RIPOR2: variants seen among roughly 807,000 people sequenced by gnomAD.
RIPOR2 encodes the protein rho family-interacting cell polarization regulator 2.
Under a neutral mutation model 114.5 loss-of-function variants are expected in RIPOR2, and 39 were observed. The ratio of observed to expected loss-of-function variants is 0.34; its 90% CI spans 0.26 to 0.44. The LOEUF is 0.44. Among genes scored for constraint, RIPOR2 ranks in the 20% least tolerant of loss-of-function variants. The probability of loss-of-function intolerance (pLI) is 1.00; values close to 1 mark genes in which losing one functional copy is unlikely to be tolerated. For synonymous variants in RIPOR2, 445 were observed against 484.4 expected (o/e 0.92, Z 1.07); for missense variants, 1,007 against 1,255.1 (o/e 0.80, Z 2.99).
chr6:24,979,319 C>A (rs1774201583), intron 1 of RIPOR2, among the ~76,000 whole-genome samples: 1 of 137,882 alleles, frequency 7.3e-6, no homozygotes, highest in Non-Finnish European at 1.5e-5. Flanking sequence ...GTTTCCTTAG[C>A]CCTGACATGA....
chr6:24,969,019 C>T (rs534945770), intron 1 of RIPOR2, among the ~76,000 whole-genome samples: 1 of 152,286 alleles, frequency 6.6e-6, no homozygotes, highest in Non-Finnish European at 1.5e-5. Context: ...TTTCAACCAC[C>T]TTCCCATCAT....
Position 24,828,281 on chromosome 6 carries a change from C to T in RIPOR2, c.2521G>A (p.Val841Met), listed in dbSNP as rs1384487133. The T allele has an allele frequency of 6.5e-7, 1 of 1,546,920 alleles. No individual in the cohort carries two copies. Among genetic ancestry groups the T allele is most frequent in the Admixed American group, 2.0e-5 (1 of 50,364 alleles). The stretch of plus-strand genomic sequence containing the variant: ...TCAGCCCGGTCCAGAATTTGGGACA[C>T]CAGGGTTCGAAACACTATTCGGAAG... ...GLADPVFRTLVSQILDRAEPL... is the reference protein window; with the variant it reads ...GLADPVFRTLMSQILDRAEPL... Residue 841 changes from valine (V) to methionine (M), a missense_variant, in exon 18 of 22, where the codon GTG (valine) becomes ATG (methionine). Transcript: ENST00000643898.
chr6:24,875,765 C>A lies in RIPOR2; in HGVS notation c.114G>T (p.Ser38=), dbSNP rs2295197. ...TAATGATCCCATTGGGCCCTCCAGG[C>A]GAAAAAGACTGGGATCCTACCAACA... ...EIMLVGSQSF[S]PGGPNGIIRS... is the part of the protein sequence containing the mutation. The change falls in exon 2 of 22, where the codon TCG becomes TCT. Residue 38 remains serine, a synonymous_variant. Transcript: ENST00000643898. 4 of 1,613,426 alleles carry A rather than the reference C, an allele frequency of 2.5e-6. No homozygotes were observed. Among genetic ancestry groups the A allele is most frequent in the African/African-American group, 2.7e-5 (2 of 74,994 alleles).
chr6:24,898,892 A>T (rs1241843491), intron 1 of RIPOR2, among the ~76,000 whole-genome samples: 1 of 150,644 alleles, frequency 6.6e-6, no homozygotes, highest in Non-Finnish European at 1.5e-5. Context: ...TGATACTGGT[A>T]TTCTCCTTTC....
At chr6:25,023,505 CAG>C in intron 1 of RIPOR2, 1 of 771,152 alleles carries the variant, frequency 1.3e-6, no homozygotes, top group Non-Finnish European at 2.4e-6. Context: ...AATTCACACT[CAG>C]GGCTATGCCA....
At chr6:24,811,631 T>C (rs1781170332) in intron 20 of RIPOR2, among the ~76,000 whole-genome samples, 1 of 151,974 alleles carries the variant, frequency 6.6e-6, no homozygotes, top group Non-Finnish European at 1.5e-5. Context: ...GAAACATCCA[T>C]GTCAGGAGTT....
chr6:24,983,720 A>C (rs1774403284), intron 1 of RIPOR2, among the ~76,000 whole-genome samples: 1 of 136,134 alleles, frequency 7.3e-6, no homozygotes, highest in African/African-American at 2.8e-5. Flanking sequence ...CCGTGCCACT[A>C]CACTCCAGCC....
intron 1 of RIPOR2, among the ~76,000 whole-genome samples, chr6:24,907,976 C>A (rs1337545973): frequency 6.6e-6 from 1 of 151,268 alleles, no homozygotes; most frequent in Non-Finnish European, 1.5e-5. Context: ...CTCCCCACCC[C>A]CACCCCACCC....
chr6:24,828,599 G>T (rs1300689794), intron 17 of RIPOR2, among the ~76,000 whole-genome samples: 1 of 152,116 alleles, frequency 6.6e-6, no homozygotes, highest in Non-Finnish European at 1.5e-5. Context: ...CTGTGTAACT[G>T]CCATTTAGAT....
At chr6:24,941,508 A>G (rs1009157875) in intron 1 of RIPOR2, among the ~76,000 whole-genome samples, 3 of 152,224 alleles carry the variant, frequency 2.0e-5, no homozygotes, top group Admixed American at 6.5e-5. Flanking sequence ...TGGAATAATA[A>G]TAATCAATTA....
chr6:25,023,842 G>A, intron 1 of RIPOR2: 1 of 738,024 alleles, frequency 1.4e-6, no homozygotes. Flanking sequence ...AGGGGTGTTG[G>A]GGGCTTTGAC....
At chr6:25,006,145 A>C (rs151184153) in intron 1 of RIPOR2, among the ~76,000 whole-genome samples, 16 of 152,288 alleles carry the variant, frequency 1.1e-4, no homozygotes, top group African/African-American at 2.6e-4. Context: ...AGAAATAAAT[A>C]CTGTTAACAT....
At chr6:24,839,335 G>A (rs934936827) in intron 13 of RIPOR2, 63 bp from the exon 14 acceptor site, 13 of 1,481,936 alleles carry the variant, frequency 8.8e-6, no homozygotes, top group Admixed American at 2.6e-5. Context: ...CCAGACACAC[G>A]ATGCTCAATT....
intron 1 of RIPOR2, among the ~76,000 whole-genome samples, chr6:25,012,392 T>C (rs917556884): frequency 6.6e-6 from 1 of 152,034 alleles, no homozygotes; most frequent in East Asian, 1.9e-4. Context: ...CCAAGAAAAA[T>C]GAAAACATAT....
intron 1 of RIPOR2, among the ~76,000 whole-genome samples, chr6:25,009,663 C>T (rs1775699650): frequency 6.6e-6 from 1 of 152,110 alleles, no homozygotes; most frequent in African/African-American, 2.4e-5. Flanking sequence ...CCCGCAGAAA[C>T]CGTGTTTTAA....
chr6:24,840,899 AG>A, intron 13 of RIPOR2: 1 of 864,522 alleles, frequency 1.2e-6, no homozygotes, highest in Non-Finnish European at 1.8e-6. Context: ...CAGCAGTCTC[AG>A]GGGGAGACAG....
chr6:24,971,137 A>G (rs1773772182), intron 1 of RIPOR2, among the ~76,000 whole-genome samples: 1 of 152,190 alleles, frequency 6.6e-6, no homozygotes, highest in African/African-American at 2.4e-5. Context: ...GGAAGCAAAA[A>G]ACTACCAGCA....
chr6:24,818,765 G>A, intron 19 of RIPOR2, 140 bp from the exon 20 acceptor site: 1 of 444,506 alleles, frequency 2.2e-6, no homozygotes, highest in Non-Finnish European at 4.1e-6. Flanking sequence ...GAAAAAAAAA[G>A]CCATTGAAAT....
At chr6:24,909,115 G>A (rs1769280629) in intron 1 of RIPOR2, among the ~76,000 whole-genome samples, 3 of 152,162 alleles carry the variant, frequency 2.0e-5, no homozygotes, top group Admixed American at 2.0e-4. Flanking sequence ...TGGACAGGCA[G>A]ATGCATTATC....
Sources: gnomAD v4.1 joint callset for allele counts (sites outside exome capture counted in the v4.1 genomes callset) on GRCh38, gnomAD v4.1.1 for gene constraint, MANE v1.5 for transcripts, NCBI Gene and HGNC (gene_info 2026-07-23, HGNC 2026-07-21) for gene names.